RASSF6: variants seen among roughly 807,000 people sequenced by gnomAD.
The protein encoded by RASSF6 is ras association domain-containing protein 6.
In RASSF6, 52 loss-of-function variants were observed where a neutral mutation model predicts 44.0. The observed-to-expected ratio is 1.18, with a 90% CI of 0.95 to 1.49. The LOEUF is 1.49. Ranked by LOEUF, RASSF6 falls within the 40% of genes most tolerant of loss-of-function variation. RASSF6 has a pLI of 0.00. For missense variants in RASSF6, 464 were observed against 393.3 expected, an observed-to-expected ratio of 1.18 and a Z score of -1.52; for synonymous variants, 162 against 124.6, an observed-to-expected ratio of 1.30 and a Z score of -2.00.
In RASSF6 at chr4:73,585,193, A is replaced by G; in HGVS notation, c.554T>C (p.Phe185Ser). The change falls in exon 6 of 11, where the codon TTC (phenylalanine) becomes TCC (serine). Residue 185 changes from phenylalanine (F) to serine (S), a missense_variant. Transcript: ENST00000307439. ...QKNRASINGH[F>S]YNHETSIFIP... The stretch of plus-strand genomic sequence containing the variant: ...TAACTCACTTACTTCATGGTTATAG[A>G]AGTGTCCATTAATAGAGGCTCTATT... 2 of 1,602,894 alleles carry G rather than the reference A, an allele frequency of 1.2e-6. No individual in the cohort carries two copies. The highest frequency in any genetic ancestry group is 1.7e-6 in the Non-Finnish European group (2 of 1,175,664).
chr4:73,591,289 A>G (rs1724536665), intron 4 of RASSF6, among the ~76,000 whole-genome samples: 1 of 152,216 alleles, frequency 6.6e-6, no homozygotes, highest in Admixed American at 6.5e-5. Flanking sequence ...AATAAAATAA[A>G]ACTTAAAACA....
chr4:73,607,442 A>G (rs1397707126), intron 2 of RASSF6, among the ~76,000 whole-genome samples: 1 of 152,190 alleles, frequency 6.6e-6, no homozygotes, highest in East Asian at 1.9e-4. Context: ...ACTGTCCTGA[A>G]CTTTGATAGC....
At chr4:73,618,866 A>C (rs1336968529) in intron 1 of RASSF6, among the ~76,000 whole-genome samples, 1 of 152,222 alleles carries the variant, frequency 6.6e-6, no homozygotes, top group African/African-American at 2.4e-5. Flanking sequence ...AGTCATAGAC[A>C]CTAAGTTGGT....
At chr4:73,600,209 T>G (rs986104138) in intron 2 of RASSF6, among the ~76,000 whole-genome samples, 8 of 152,214 alleles carry the variant, frequency 5.3e-5, no homozygotes, top group Non-Finnish European at 1.2e-4. Context: ...CTCCATTGAA[T>G]GTAGCTCCAA....
At chr4:73,608,051 C>G (rs1007342043) in intron 2 of RASSF6, among the ~76,000 whole-genome samples, 3 of 135,604 alleles carry the variant, frequency 2.2e-5, no homozygotes, top group East Asian at 2.2e-4. Flanking sequence ...CCCCTCTCCT[C>G]TCCCCCTTCC....
At chr4:73,606,639 GT>G (rs11284857) in intron 2 of RASSF6, among the ~76,000 whole-genome samples, 67,206 of 148,380 alleles carry the variant, frequency 0.45, 15,158 homozygotes, top group Admixed American at 0.52. Flanking sequence ...AAGCCTTATA[GT>G]TTTTTTTTTT....
intron 1 of RASSF6, among the ~76,000 whole-genome samples, chr4:73,612,900 A>G (rs1726122159): frequency 6.6e-6 from 1 of 152,046 alleles, no homozygotes; most frequent in Admixed American, 6.6e-5. Context: ...CCAGGCTCCA[A>G]ATTGAAACAT....
chr4:73,597,718 A>G (rs139408099), intron 3 of RASSF6, among the ~76,000 whole-genome samples: 1 of 152,312 alleles, frequency 6.6e-6, no homozygotes, highest in African/African-American at 2.4e-5. Flanking sequence ...CATGGAATCA[A>G]CCTAAATGCC....
chr4:73,576,184 A>G lies in RASSF6; in HGVS notation c.*51T>C, dbSNP rs1487706375. Reference sequence around the variant, plus strand: ...TACAGAACTTATGCATTCATCAAAGAGTAATATCTCTGAGTTTTTTGAAAT... The same window carrying G: ...TACAGAACTTATGCATTCATCAAAGGGTAATATCTCTGAGTTTTTTGAAAT... On this transcript the variant is annotated 3_prime_UTR_variant, in exon 11 of 11. Transcript: ENST00000307439. The G allele has an allele frequency of 1.0e-6, 1 of 986,098 alleles. No homozygotes were observed. The highest frequency in any genetic ancestry group is 1.6e-6 in the Non-Finnish European group (1 of 641,874). 61.1% of individuals were successfully genotyped at this position (986,098 alleles called of 1,614,324 possible). A position where few individuals can be genotyped will look rare whatever the true frequency, so the allele number is the denominator to read the frequency against.
chr4:73,601,839 C>T (rs1360579424), intron 2 of RASSF6, among the ~76,000 whole-genome samples: 1 of 152,186 alleles, frequency 6.6e-6, no homozygotes, highest in Non-Finnish European at 1.5e-5. Context: ...TGAAGAATTA[C>T]TGTTAAGTTG....
intron 8 of RASSF6, among the ~76,000 whole-genome samples, chr4:73,579,090 C>T (rs1180498288): frequency 4.6e-5 from 7 of 152,148 alleles, no homozygotes; most frequent in Non-Finnish European, 8.8e-5. Flanking sequence ...TACCTTTAGG[C>T]ATCTTGCATT....
chr4:73,616,916 A>C (rs1277124705), intron 1 of RASSF6, among the ~76,000 whole-genome samples: 1 of 152,228 alleles, frequency 6.6e-6, no homozygotes, highest in African/African-American at 2.4e-5. Flanking sequence ...ATGCAATTAC[A>C]TCACTTCAAG....
At chr4:73,609,651 A>G (rs1725875061) in intron 2 of RASSF6, among the ~76,000 whole-genome samples, 1 of 152,212 alleles carries the variant, frequency 6.6e-6, no homozygotes, top group African/African-American at 2.4e-5. Context: ...AAAATACCTC[A>G]ATAAATTGCT....
At chr4:73,620,476 C>T (rs770758758), upstream of RASSF6, 22 of 1,546,096 alleles carry the variant, frequency 1.4e-5, no homozygotes, top group Middle Eastern at 3.3e-4. Context: ...GGCGCAGGGG[C>T]GGCGCCTGTC....
intron 2 of RASSF6, among the ~76,000 whole-genome samples, chr4:73,599,145 T>TC (rs1316712227): frequency 6.6e-6 from 1 of 152,302 alleles, no homozygotes; most frequent in East Asian, 1.9e-4. Flanking sequence ...GCCCCAACTC[T>TC]CCAAATCTGT....
chr4:73,603,367 C>T (rs1725409640), intron 2 of RASSF6, among the ~76,000 whole-genome samples: 1 of 152,140 alleles, frequency 6.6e-6, no homozygotes, highest in Non-Finnish European at 1.5e-5. Context: ...AGTTGGCACC[C>T]TGCCACAAGC....
chr4:73,598,870 G>A (rs751681227), intron 2 of RASSF6, 152 bp from the exon 3 acceptor site: 3 of 464,466 alleles, frequency 6.5e-6, no homozygotes, highest in South Asian at 3.5e-5. Context: ...GTCATTGGAA[G>A]TGGAAGCATT....
At chr4:73,616,628 C>T (rs1005026289) in intron 1 of RASSF6, among the ~76,000 whole-genome samples, 1 of 151,962 alleles carries the variant, frequency 6.6e-6, no homozygotes, top group Non-Finnish European at 1.5e-5. Context: ...CTGTCTAAAT[C>T]ATAGACAAGG....
intron 3 of RASSF6, among the ~76,000 whole-genome samples, chr4:73,596,166 G>C (rs188009804): frequency 6.6e-6 from 1 of 152,010 alleles, no homozygotes; most frequent in East Asian, 1.9e-4. Flanking sequence ...AGAAATAAAG[G>C]ACGTTCAAAT....
Sources: gnomAD v4.1 joint callset for allele counts (sites outside exome capture counted in the v4.1 genomes callset) on GRCh38, gnomAD v4.1.1 for gene constraint, MANE v1.5 for transcripts, NCBI Gene and HGNC (gene_info 2026-07-23, HGNC 2026-07-21) for gene names.